Variants in SOCS7 observed in about 807,000 individuals in gnomAD.
SOCS7 encodes the protein NAP-4.
Under a neutral mutation model 58.9 loss-of-function variants are expected in SOCS7, and 18 were observed. The ratio of observed to expected loss-of-function variants is 0.31; its 90% confidence interval spans 0.21 to 0.45. SOCS7 has a LOEUF of 0.45. Among genes scored for constraint, SOCS7 ranks in the 20% least tolerant of loss-of-function variants. The pLI, the probability that SOCS7 is intolerant of heterozygous loss-of-function variation, is 1.00. For missense variants in SOCS7, 667 were observed against 837.3 expected, an observed-to-expected ratio of 0.80 and a Z score of 2.51; for synonymous variants, 388 against 364.3, an observed-to-expected ratio of 1.06 and a Z score of -0.74.
At chr17:38,374,712 A>G (rs1220835042) in intron 6 of SOCS7, among the ~76,000 whole-genome samples, 1 of 152,278 alleles carries the variant, frequency 6.6e-6, no homozygotes, top group Admixed American at 6.5e-5. Context: ...CATAGATACC[A>G]CATCAGAGGA....
In SOCS7 at chr17:38,392,133, T is replaced by A. The variant is rs140629691; in HGVS notation, c.1682-3176T>A. ...TGCTTCTGTTAGCATGCTCTAAATG[T>A]GAGAGTTCTAATTGTTTGTTGGCGT... On this transcript the variant is annotated intron_variant, in intron 7 of 9. Coordinates refer to ENST00000612932, the MANE Select transcript of SOCS7 (RefSeq NM_014598.4). Among the ~76,000 whole-genome samples, 75 of 152,320 alleles carry A rather than the reference T, an allele frequency of 4.9e-4. No homozygotes were observed. The East Asian group carries it at 0.013, about 27-fold the overall frequency.
rs2037722199 is a variant in SOCS7, at chr17:38,361,756, C to T, written c.1026C>T (p.Ser342=). 2 of 1,612,936 alleles carry T rather than the reference C, an allele frequency of 1.2e-6. No individual in the cohort carries two copies. Among genetic ancestry groups the T allele is most frequent in the African/African-American group, 2.7e-5 (2 of 74,912 alleles). The change falls in exon 2 of 10, where the codon TCC becomes TCT. Residue 342 remains serine (S), a synonymous_variant. Coordinates refer to ENST00000612932, the MANE Select transcript of SOCS7 (RefSeq NM_014598.4). ...CTCAAAGTGCCTTTTCTCCGGTCTC[C>T]TTCAGCCCCCTGTTCACAGGTAAGG... ...TRTQSAFSPV[S]FSPLFTGETV...
At position 38,351,913 on chromosome 17, in the gene SOCS7, C is replaced by G. The variant is rs985218483; in HGVS notation, c.-140C>G. 2.0e-5 allele frequency among the ~76,000 whole-genome samples: 3 copies of G among 151,220 alleles called. No homozygotes were observed. The highest frequency in any genetic ancestry group is 2.0e-4 in the East Asian group (1 of 5,110). On this transcript the variant is annotated 5_prime_UTR_variant, in exon 1 of 10. Transcript: ENST00000612932. ...CGCGCTGGGCTCCGCGCGCCCCCCG[C>G]CCCCCTCTATGAGGCAGAGGCCGCG...
chr17:38,387,490 C>A (rs938097048), intron 7 of SOCS7, among the ~76,000 whole-genome samples: 1 of 140,676 alleles, frequency 7.1e-6, no homozygotes, highest in African/African-American at 2.7e-5. Flanking sequence ...TATATATACA[C>A]AATACATAAT....
intron 7 of SOCS7, among the ~76,000 whole-genome samples, chr17:38,389,319 G>T (rs886544687): frequency 6.6e-6 from 1 of 152,152 alleles, no homozygotes; most frequent in African/African-American, 2.4e-5. Flanking sequence ...ACTTAGGGAG[G>T]CCAGGGCAGG....
intron 1 of SOCS7, among the ~76,000 whole-genome samples, chr17:38,353,526 A>T (rs768380143): frequency 6.6e-6 from 1 of 152,208 alleles, no homozygotes; most frequent in Admixed American, 6.5e-5. Flanking sequence ...GGACACCTCT[A>T]TTCAAAGTTT....
At chr17:38,367,811 G>A (rs1555568604) in intron 5 of SOCS7, 71 bp from the exon 6 acceptor site, 4 of 1,405,478 alleles carry the variant, frequency 2.8e-6, no homozygotes, top group African/African-American at 2.8e-5. Flanking sequence ...CCCATGTTAA[G>A]ATAGATTGCA....
chr17:38,373,352 A>G (rs2144351488), intron 6 of SOCS7, among the ~76,000 whole-genome samples: 1 of 152,286 alleles, frequency 6.6e-6, no homozygotes, highest in Middle Eastern at 3.4e-3. Flanking sequence ...CCATGGGGAA[A>G]ATCACTGAGG....
At chr17:38,374,227 A>T (rs1230828928) in intron 6 of SOCS7, among the ~76,000 whole-genome samples, 1 of 151,684 alleles carries the variant, frequency 6.6e-6, no homozygotes, top group African/African-American at 2.4e-5. Context: ...CTCAAAAAAA[A>T]TGCCATAGTT....
intron 6 of SOCS7, among the ~76,000 whole-genome samples, chr17:38,368,669 T>A (rs572795284): frequency 6.6e-6 from 1 of 152,248 alleles, no homozygotes; most frequent in Admixed American, 6.5e-5. Context: ...GCCTGGCTAA[T>A]TTTTGTATTT....
chr17:38,397,128 C>T (rs72834020), intron 9 of SOCS7, among the ~76,000 whole-genome samples: 7,081 of 152,236 alleles, frequency 0.047, 195 homozygotes, highest in Middle Eastern at 0.21. Flanking sequence ...AGAGCTCAAA[C>T]TTCATCATAT....
chr17:38,381,143 AG>A (rs1456365383), intron 7 of SOCS7, among the ~76,000 whole-genome samples: 3 of 152,146 alleles, frequency 2.0e-5, no homozygotes, highest in Non-Finnish European at 4.4e-5. Context: ...TGGGGGCAGG[AG>A]GGTGCACATG....
intron 2 of SOCS7, among the ~76,000 whole-genome samples, chr17:38,362,727 C>T (rs923594090): frequency 3.3e-5 from 5 of 152,166 alleles, no homozygotes; most frequent in Non-Finnish European, 7.3e-5. Flanking sequence ...AGAAGGAGGT[C>T]TCTGTTCTTA....
intron 7 of SOCS7, among the ~76,000 whole-genome samples, chr17:38,387,705 ATAT>A (rs994360986): frequency 8.0e-6 from 1 of 124,494 alleles, no homozygotes; most frequent in African/African-American, 3.2e-5. Flanking sequence ...TATATTATAC[ATAT>A]TATATATATA....
At chr17:38,356,550 A>G (rs1326289354) in intron 1 of SOCS7, among the ~76,000 whole-genome samples, 1 of 152,018 alleles carries the variant, frequency 6.6e-6, no homozygotes, top group East Asian at 2.0e-4. Context: ...ATTTTAGTAG[A>G]GACGGCGTTT....
intron 9 of SOCS7, 100 bp downstream of exon 9, chr17:38,396,098 TAGCCC>T: frequency 3.0e-6 from 3 of 984,518 alleles, no homozygotes; most frequent in Non-Finnish European, 4.3e-6. Context: ...CCAACATGGA[TAGCCC>T]CGATCCAGGC....
chr17:38,360,017 A>G (rs986325607), intron 1 of SOCS7, among the ~76,000 whole-genome samples: 6 of 151,712 alleles, frequency 4.0e-5, no homozygotes, highest in African/African-American at 9.7e-5. Context: ...GGCTCAAGCA[A>G]TCTGCCCACC....
At chr17:38,366,679 G>A (rs1270414066) in intron 5 of SOCS7, among the ~76,000 whole-genome samples, 1 of 152,152 alleles carries the variant, frequency 6.6e-6, no homozygotes, top group Non-Finnish European at 1.5e-5. Flanking sequence ...TATATTTTTT[G>A]TAGAGACTGG....
At chr17:38,373,720 C>G (rs1031433225) in intron 6 of SOCS7, among the ~76,000 whole-genome samples, 4 of 152,184 alleles carry the variant, frequency 2.6e-5, no homozygotes, top group Non-Finnish European at 4.4e-5. Context: ...CCCTGGCCAC[C>G]CAGAACCCCA....
Sources: gnomAD v4.1 joint callset for allele counts (sites outside exome capture counted in the v4.1 genomes callset) on GRCh38, gnomAD v4.1.1 for gene constraint, MANE v1.5 for transcripts, NCBI Gene and HGNC (gene_info 2026-07-23, HGNC 2026-07-21) for gene names.